PARD3B: variants seen among roughly 807,000 people sequenced by gnomAD.
The protein encoded by PARD3B is par-3 family cell polarity regulator beta.
In PARD3B, 103 loss-of-function variants were observed where a neutral mutation model predicts 130.2. That is an observed-to-expected ratio of 0.79 (90% CI 0.67 to 0.93). The LOEUF (loss-of-function observed/expected upper bound fraction) is 0.93, where lower values mean the gene tolerates loss of function less well. Among genes scored for constraint, PARD3B ranks in the 40% least tolerant of loss-of-function variants. The pLI, the probability that PARD3B is intolerant of heterozygous loss-of-function variation, is 0.00. For synonymous variants in PARD3B, 583 were observed against 553.2 expected (o/e 1.05, Z -0.76); for missense variants, 1,609 against 1,499.2 (o/e 1.07, Z -1.21).
chr2:204,622,349 A>G (rs1023279485), intron 1 of PARD3B, among the ~76,000 whole-genome samples: 3 of 151,794 alleles, frequency 2.0e-5, no homozygotes, highest in Admixed American at 1.3e-4. Context: ...TCTTCTCCCA[A>G]CTCCCACGAT....
intron 3 of PARD3B, among the ~76,000 whole-genome samples, chr2:204,983,533 G>T (rs971929675): frequency 6.6e-6 from 1 of 152,112 alleles, no homozygotes; most frequent in Non-Finnish European, 1.5e-5. Context: ...CTGTGTGGAG[G>T]AAATCTTCAT....
intron 4 of PARD3B, among the ~76,000 whole-genome samples, chr2:205,073,953 A>G (rs959868446): frequency 6.6e-6 from 1 of 152,198 alleles, no homozygotes; most frequent in South Asian, 2.1e-4. Context: ...GCCCACACAT[A>G]TTCCTCTTTA....
chr2:204,980,369 G>C (rs2125206639), intron 3 of PARD3B, among the ~76,000 whole-genome samples: 1 of 152,276 alleles, frequency 6.6e-6, no homozygotes, highest in African/African-American at 2.4e-5. Flanking sequence ...AATAAAACTA[G>C]TAGTGCTTAG....
chr2:204,713,702 G>T (rs1447462867), intron 2 of PARD3B, among the ~76,000 whole-genome samples: 1 of 152,022 alleles, frequency 6.6e-6, no homozygotes, highest in South Asian at 2.1e-4. Flanking sequence ...GTATGTCAAG[G>T]TTTATCCATG....
chr2:204,880,565 C>T (rs1336816415), intron 2 of PARD3B, among the ~76,000 whole-genome samples: 1 of 138,930 alleles, frequency 7.2e-6, no homozygotes, highest in Non-Finnish European at 1.5e-5. Flanking sequence ...AAGGCTGAGG[C>T]GGGGAATGGC....
chr2:205,603,196 C>T (rs914320064), intron 22 of PARD3B, among the ~76,000 whole-genome samples: 5 of 152,152 alleles, frequency 3.3e-5, no homozygotes, highest in African/African-American at 1.2e-4. Context: ...ATCTTGAGTT[C>T]TAAGTTGGTT....
At chr2:205,582,891 G>C (rs1357459080) in intron 22 of PARD3B, among the ~76,000 whole-genome samples, 1 of 152,186 alleles carries the variant, frequency 6.6e-6, no homozygotes, top group Non-Finnish European at 1.5e-5. Context: ...AGTTCCCTGT[G>C]ACAGCTGGGG....
intron 1 of PARD3B, among the ~76,000 whole-genome samples, chr2:204,556,826 G>C (rs557250304): frequency 8.5e-5 from 13 of 152,250 alleles, no homozygotes; most frequent in Non-Finnish European, 1.6e-4. Context: ...ACCTAACTTT[G>C]TAGTATGTCT....
rs78309853 is a variant in PARD3B at position 205,325,077 on chromosome 2, T to C, written c.2630+23376T>C. On this transcript the variant is annotated intron_variant, in intron 18 of 22. Coordinates refer to ENST00000406610, the MANE Select transcript of PARD3B (RefSeq NM_001302769.2). The surrounding 1 kb of genome is among the most constrained non-coding windows in gnomAD (Gnocchi z 4.1). Reference sequence around the variant, plus strand: ...ACTTCCTTAGTTCAAATTCTCCTAATTTCTCCCCAAATTAAAGCAATGACC... The same window carrying C: ...ACTTCCTTAGTTCAAATTCTCCTAACTTCTCCCCAAATTAAAGCAATGACC... Among the ~76,000 whole-genome samples, 699 of 152,234 alleles carry C rather than the reference T, an allele frequency of 4.6e-3. 5 individuals carry two copies. The highest frequency in any genetic ancestry group is 6.4e-3 in the Admixed American group (98 of 15,286).
intron 2 of PARD3B, among the ~76,000 whole-genome samples, chr2:204,854,417 T>G (rs993022501): frequency 2.0e-5 from 3 of 152,084 alleles, no homozygotes; most frequent in Non-Finnish European, 4.4e-5. Context: ...GAATCTAGTT[T>G]GGAATAAGAG....
rs1375711694 is a variant in PARD3B at position 205,575,173 on chromosome 2, C to A, written c.3260+21770C>A. 1.3e-5 allele frequency among the ~76,000 whole-genome samples: 2 copies of A among 151,688 alleles called. No individual in the cohort carries two copies. The highest frequency in any genetic ancestry group is 2.9e-5 in the Non-Finnish European group (2 of 67,960). On this transcript the variant is annotated intron_variant, in intron 22 of 22. Transcript: ENST00000406610. This position sits in a 1 kb window ranked among gnomAD's most constrained non-coding sequence, Gnocchi z 4.6. ...AAGGTATATATATATTATACACACA[C>A]ATATATATCATATATATACAATATA...
Position 204,575,347 on chromosome 2 carries a change from G to T in PARD3B, c.120+29228G>T, listed in dbSNP as rs144954856. Among the ~76,000 whole-genome samples, 325 of 152,174 alleles carry T rather than the reference G, an allele frequency of 2.1e-3. 1 individual carries two copies. The highest frequency in any genetic ancestry group is 0.017 in the Middle Eastern group (5 of 294). ...ATTGCATCTTGCTTTTAAAAATTTA[G>T]ACATTAAGCCACTCCCATGAAAACT... On this transcript the variant is annotated intron_variant, in intron 1 of 22. Transcript: ENST00000406610.
rs532570252 is a variant in PARD3B, at chr2:205,579,648, G to A, written c.3260+26245G>A. 2.0e-5 allele frequency among the ~76,000 whole-genome samples: 3 copies of A among 152,284 alleles called. No homozygotes were observed. In the East Asian group the frequency reaches 5.8e-4, roughly 29 times the overall value. Reference sequence around the variant, plus strand: ...TTACTGCACTCGTCCCATTTTGGAGGCCAACCTTGCCTGATTTAAGGTGGC... The same window carrying A: ...TTACTGCACTCGTCCCATTTTGGAGACCAACCTTGCCTGATTTAAGGTGGC... On this transcript the variant is annotated intron_variant, in intron 22 of 22. Coordinates refer to ENST00000406610, the MANE Select transcript of PARD3B (RefSeq NM_001302769.2).
chr2:205,063,609 G>A (rs34976350), intron 4 of PARD3B, among the ~76,000 whole-genome samples: 45,486 of 151,940 alleles, frequency 0.3, 7,175 homozygotes, highest in East Asian at 0.43. Context: ...ATTTTTCTAA[G>A]TGCTTTAAAT....
chr2:204,871,613 CAATT>C (rs2045633150), intron 2 of PARD3B, among the ~76,000 whole-genome samples: 1 of 152,076 alleles, frequency 6.6e-6, no homozygotes, highest in Admixed American at 6.6e-5. Flanking sequence ...AATCAACTGT[CAATT>C]AACTAATGAA....
chr2:205,614,544 A>C (rs572961604), intron 22 of PARD3B, among the ~76,000 whole-genome samples: 1 of 152,210 alleles, frequency 6.6e-6, no homozygotes, highest in African/African-American at 2.4e-5. Flanking sequence ...CTCTACAAAA[A>C]AAAATACAAA....
chr2:204,652,101 C>G (rs956365775), intron 1 of PARD3B, among the ~76,000 whole-genome samples: 2 of 152,152 alleles, frequency 1.3e-5, no homozygotes, highest in Non-Finnish European at 2.9e-5. Context: ...GACATTTTCC[C>G]CATTGTCTTG....
At chr2:204,755,571 T>A (rs746815599) in intron 2 of PARD3B, among the ~76,000 whole-genome samples, 3 of 152,130 alleles carry the variant, frequency 2.0e-5, no homozygotes, top group Non-Finnish European at 4.4e-5. Context: ...TAGCCATCAA[T>A]GTGTAAGTAC....
At chr2:205,084,384 T>C (rs543232424) in intron 4 of PARD3B, among the ~76,000 whole-genome samples, 38 of 152,092 alleles carry the variant, frequency 2.5e-4, no homozygotes, top group Non-Finnish European at 5.6e-4. Flanking sequence ...TCAGCAAGAA[T>C]ATTTCATAGG....
Sources: gnomAD v4.1 joint callset for allele counts (sites outside exome capture counted in the v4.1 genomes callset) on GRCh38, gnomAD v4.1.1 for gene constraint, Gnocchi (gnomAD v3.1) non-coding constraint, MANE v1.5 for transcripts, NCBI Gene and HGNC (gene_info 2026-07-23, HGNC 2026-07-21) for gene names.